RFX1: variants seen among roughly 807,000 people sequenced by gnomAD.
RFX1 encodes the protein regulatory factor X1, also known as MHC class II regulatory factor RFX1.
In RFX1, 42 loss-of-function variants were observed where a neutral mutation model predicts 119.6. That is an observed-to-expected ratio of 0.35 (90% CI 0.27 to 0.45). RFX1 has a LOEUF of 0.45. RFX1 is among the 20% of genes least tolerant of loss of function. The pLI is 1.00. For missense variants in RFX1, 1,118 were observed against 1,368.1 expected, an observed-to-expected ratio of 0.82 and a Z score of 2.88; for synonymous variants, 628 against 618.5, an observed-to-expected ratio of 1.02 and a Z score of -0.23.
chr19:13,973,647 T>C (rs533618243), intron 8 of RFX1, among the ~76,000 whole-genome samples: 2 of 152,288 alleles, frequency 1.3e-5, no homozygotes, highest in African/African-American at 2.4e-5. Flanking sequence ...TATTTACTTA[T>C]TGAGACAGAG....
At chr19:14,004,303 A>T (rs1975304738) in intron 1 of RFX1, among the ~76,000 whole-genome samples, 1 of 152,176 alleles carries the variant, frequency 6.6e-6, no homozygotes, top group East Asian at 1.9e-4. Flanking sequence ...AGGTCAAGAG[A>T]TCAAGACCAT....
chr19:13,999,661 C>G (rs1357594293), intron 1 of RFX1, among the ~76,000 whole-genome samples: 1 of 150,716 alleles, frequency 6.6e-6, no homozygotes, highest in Non-Finnish European at 1.5e-5. Context: ...TTTGTTGAAC[C>G]CTGTGTTTTT....
chr19:13,979,140 C>T (rs1974349980), intron 7 of RFX1, among the ~76,000 whole-genome samples: 1 of 152,104 alleles, frequency 6.6e-6, no homozygotes, highest in Admixed American at 6.5e-5. Context: ...GGGCTCCAGG[C>T]CTCCACCCAC....
Position 13,993,553 on chromosome 19 carries a change from G to A in RFX1, c.291C>T (p.Pro97=). ...PTGAPTPSPA[P]QQYIVVTVSE... is the part of the protein sequence containing the mutation. ...AGACAGTGACCACGATGTACTGCTG[G>A]GGTGCAGGCGAAGGGGTGGGTGCAC... Residue 97 remains proline, a synonymous_variant, in exon 2 of 21, where the codon CCC becomes CCT. Transcript: ENST00000254325. The A allele has an allele frequency of 6.2e-7, 1 of 1,613,096 alleles. No individual in the cohort carries two copies. The highest frequency in any genetic ancestry group is 1.3e-5 in the African/African-American group (1 of 75,008).
Position 13,990,765 on chromosome 19 carries a change from C to T in RFX1, c.319+2760G>A, listed in dbSNP as rs1233548357. On this transcript the variant is annotated intron_variant, in intron 2 of 20. Transcript: ENST00000254325. This position sits in a 1 kb window ranked among gnomAD's most constrained non-coding sequence, Gnocchi z 4.1. Reference sequence around the variant, plus strand: ...CCCGGAGGCAGAGCTTGCAGTGAGCCGAGATCCTGCCACTGCACTCCAGCC... The same window carrying T: ...CCCGGAGGCAGAGCTTGCAGTGAGCTGAGATCCTGCCACTGCACTCCAGCC... Among the ~76,000 whole-genome samples, 4 of 151,546 alleles carry T rather than the reference C, an allele frequency of 2.6e-5. No individual in the cohort carries two copies. The highest frequency in any genetic ancestry group is 4.9e-5 in the African/African-American group (2 of 41,174).
chr19:13,962,903 G>C (rs2080133969), intron 20 of RFX1, 39 bp from the exon 21 acceptor site: 1 of 1,537,804 alleles, frequency 6.5e-7, no homozygotes, highest in Admixed American at 2.0e-5. Context: ...GGGCGGGGTG[G>C]CAACGCCCCC....
rs149005890 is a variant in RFX1, at chr19:13,972,464, G to T, written c.1314+279C>A. Among the ~76,000 whole-genome samples, 1,134 of 152,278 alleles carry T rather than the reference G, an allele frequency of 7.4e-3. 14 individuals are homozygous for T. Among genetic ancestry groups the T allele is most frequent in the African/African-American group, 0.025 (1,027 of 41,542 alleles). ...CCACTTCAGTCTCCCAAAGTCCTGGGATTACAGGTGTGAGCCACAGCGCCC... is the reference window on the plus strand; with the variant it reads ...CCACTTCAGTCTCCCAAAGTCCTGGTATTACAGGTGTGAGCCACAGCGCCC... On this transcript the variant is annotated intron_variant, in intron 9 of 20. Transcript: ENST00000254325.
Position 13,968,606 on chromosome 19 carries a change from G to A in RFX1, c.1691C>T (p.Ser564Leu), listed in dbSNP as rs140854938. Residue 564 changes from serine to leucine, a missense_variant, in exon 12 of 21, where the codon TCG becomes TTG. By Grantham distance (145) the Ser-to-Leu change is moderately radical. Coordinates refer to ENST00000254325, the MANE Select transcript of RFX1 (RefSeq NM_002918.5). The surrounding 1 kb of genome is among the most constrained non-coding windows in gnomAD (Gnocchi z 5.5). ...CTGCTGCACCTGGGCGCTGATGTCC[G>A]ACAGCCCCGTGCTCGGCTGCTGCCC... Reference protein sequence around the residue: ...AVGQQPSTGLSDISAQVQQYQ... With the variant: ...AVGQQPSTGLLDISAQVQQYQ... 201 of 1,613,218 alleles carry A rather than the reference G, an allele frequency of 1.2e-4. No homozygotes were observed. Among genetic ancestry groups the A allele is most frequent in the Non-Finnish European group, 1.5e-4 (182 of 1,179,986 alleles).
intron 1 of RFX1, among the ~76,000 whole-genome samples, chr19:13,994,212 C>A (rs931160154): frequency 5.3e-5 from 8 of 152,116 alleles, no homozygotes; most frequent in African/African-American, 1.7e-4. Context: ...TTTCCCCACA[C>A]TGCGGGGGAA....
At chr19:14,001,616 C>T (rs1215528195) in intron 1 of RFX1, among the ~76,000 whole-genome samples, 1 of 152,206 alleles carries the variant, frequency 6.6e-6, no homozygotes, top group Non-Finnish European at 1.5e-5. Flanking sequence ...TATTTTCTTC[C>T]TCCTAGTTCC....
chr19:13,997,208 G>A (rs1345765824), intron 1 of RFX1, among the ~76,000 whole-genome samples: 1 of 152,102 alleles, frequency 6.6e-6, no homozygotes, highest in Non-Finnish European at 1.5e-5. Context: ...GCCTCCCTGT[G>A]CCTCCCTCCC....
chr19:13,963,329 C>G, intron 18 of RFX1, 54 bp from the exon 19 acceptor site: 1 of 1,552,154 alleles, frequency 6.4e-7, no homozygotes, highest in East Asian at 2.4e-5. Context: ...CCGACCCCCT[C>G]TCCCCCTCCC....
Position 13,963,594 on chromosome 19 carries a change from G to T in RFX1, c.2514C>A (p.Gly838=). The change falls in exon 18 of 21, where the codon GGC becomes GGA. Residue 838 remains glycine (G), a synonymous_variant. Transcript: ENST00000254325. The part of the protein sequence containing the change: ...VVSQVLKPYQ[G]SAGFPKAAKL... ...TGGCGGCCTTGGGGAAGCCGGCGCT[G>T]CCCTGGTAGGGCTTGAGCACCTGGC... The T allele has an allele frequency of 3.1e-6, 5 of 1,604,894 alleles. No homozygotes were observed. Among genetic ancestry groups the T allele is most frequent in the Non-Finnish European group, 4.2e-6 (5 of 1,179,262 alleles).
chr19:13,980,690 C>T lies in RFX1; in HGVS notation c.622-1G>A. The T allele has an allele frequency of 7.2e-7, 1 of 1,379,666 alleles. No homozygotes were observed. Among genetic ancestry groups the T allele is most frequent in the Admixed American group, 2.2e-5 (1 of 46,208 alleles). 85.5% of individuals were successfully genotyped at this position (1,379,666 alleles called of 1,614,324 possible). ...AGCTGTTGGCCTGCACCGGCGACTG[C>T]TGTAAGGGAAGGAGACACAGGAGTG... On this transcript the variant is annotated splice_acceptor_variant, in intron 5 of 20. Transcript: ENST00000254325. LOFTEE classifies it high-confidence loss of function. The surrounding 1 kb of genome is among the most constrained non-coding windows in gnomAD (Gnocchi z 5.1).
intron 5 of RFX1, among the ~76,000 whole-genome samples, chr19:13,981,523 G>A (rs924819648): frequency 1.3e-5 from 2 of 152,182 alleles, no homozygotes; most frequent in African/African-American, 4.8e-5. Context: ...TTGAACCCAG[G>A]AGTCGGAGGT....
At chr19:13,973,312 G>C (rs1244895618) in intron 8 of RFX1, among the ~76,000 whole-genome samples, 185 bp from the exon 9 acceptor site, 2 of 152,148 alleles carry the variant, frequency 1.3e-5, no homozygotes, top group Non-Finnish European at 2.9e-5. Context: ...TTGATGGGCA[G>C]TATTTCATAT....
rs766338440 is a variant in RFX1, at chr19:13,979,504, G to C, written c.777C>G (p.Pro259=). 5 of 1,604,048 alleles carry C rather than the reference G, an allele frequency of 3.1e-6. No individual in the cohort carries two copies. The highest frequency in any genetic ancestry group is 3.4e-5 in the Admixed American group (2 of 59,260). ...VVQATPQAPK[P]GPVQPLTVQG... ...GCACGGTCAGCGGCTGCACCGGGCC[G>C]GGTTTGGGCGCTTGTGGAGTGGCCT... The change falls in exon 7 of 21, where the codon CCC becomes CCG. Residue 259 remains proline (P), a synonymous_variant. Transcript: ENST00000254325.
rs1465396628 is a variant in RFX1 at position 13,962,614 on chromosome 19, G to C, written c.*81C>G. On this transcript the variant is annotated 3_prime_UTR_variant, in exon 21 of 21. Coordinates refer to ENST00000254325, the MANE Select transcript of RFX1 (RefSeq NM_002918.5). ...CCCTGCCCTGGCTGAGGCTGGAGCAGTGACCACGAAGCCACAGAAGCTTTG... is the reference window on the plus strand; with the variant it reads ...CCCTGCCCTGGCTGAGGCTGGAGCACTGACCACGAAGCCACAGAAGCTTTG... 8.3e-7 allele frequency: 1 copy of C among 1,200,736 alleles called. No individual in the cohort carries two copies. Among genetic ancestry groups the C allele is most frequent in the African/African-American group, 1.6e-5 (1 of 61,408 alleles). The allele number at this position is 1,200,736 out of a possible 1,614,324, so 74.4% of individuals were successfully genotyped here. A position where few individuals can be genotyped will look rare whatever the true frequency, so the allele number is the denominator to read the frequency against.
chr19:13,995,841 ACT>A (rs993550150), intron 1 of RFX1, among the ~76,000 whole-genome samples: 4 of 127,578 alleles, frequency 3.1e-5, no homozygotes, highest in Non-Finnish European at 6.3e-5. Context: ...ACAAAGTGAC[ACT>A]CTGTCTCCAA....
Sources: gnomAD v4.1 joint callset for allele counts (sites outside exome capture counted in the v4.1 genomes callset) on GRCh38, gnomAD v4.1.1 for gene constraint, Gnocchi (gnomAD v3.1) non-coding constraint, MANE v1.5 for transcripts, NCBI Gene and HGNC (gene_info 2026-07-23, HGNC 2026-07-21) for gene names.